The following GCN1 variants were observed in gnomAD, a reference collection of about 807,000 sequenced individuals.
The protein encoded by GCN1 is stalled ribosome sensor GCN1.
GCN1 carries 90 observed loss-of-function variants against 288.4 expected under a neutral mutation model. The ratio of observed to expected loss-of-function variants is 0.31; its 90% confidence interval spans 0.26 to 0.37. GCN1 has a LOEUF of 0.37. GCN1 is among the 10% of genes least tolerant of loss of function. GCN1 has a pLI of 1.00. For missense variants in GCN1, 2,586 were observed against 3,419.9 expected, an observed-to-expected ratio of 0.76 and a Z score of 6.08; for synonymous variants, 1,386 against 1,420.2, an observed-to-expected ratio of 0.98 and a Z score of 0.54.
At position 120,184,121 on chromosome 12, in the gene GCN1, C is replaced by T; in HGVS notation, c.308G>A (p.Gly103Asp). The stretch of plus-strand genomic sequence containing the variant: ...AACTTTTACCTCTTACCTGGGAACA[C>T]CTGCTTTGGAGCCTATACCAGAAGA... Reference protein sequence around the residue: ...LQSSGIGSKAGVPSKSSGSAA... With the variant: ...LQSSGIGSKADVPSKSSGSAA... Residue 103 changes from glycine (G) to aspartate (D), a missense_variant, in exon 4 of 58, where the codon GGT (glycine) becomes GAT (aspartate). By Grantham distance (94) the Gly-to-Asp change is moderately conservative. Coordinates refer to ENST00000300648, the MANE Select transcript of GCN1 (RefSeq NM_006836.2). The T allele has an allele frequency of 1.9e-6, 3 of 1,612,514 alleles. No individual in the cohort carries two copies. Among genetic ancestry groups the T allele is most frequent in the Non-Finnish European group, 2.5e-6 (3 of 1,178,952 alleles).
intron 16 of GCN1, among the ~76,000 whole-genome samples, chr12:120,165,002 T>TACAC (rs55710290): frequency 0.047 from 6,384 of 136,758 alleles, 174 homozygotes; most frequent in Middle Eastern, 0.069. Flanking sequence ...TACACATATA[T>TACAC]ACACACACAC....
Position 120,144,131 on chromosome 12 carries a change from C to T in GCN1, c.5495+175G>A, listed in dbSNP as rs1007659215. ...AGCTGGGATTACAGGTGTGCACCAC[C>T]ATTCCCAGCTAATTTTTTATTTTTT... On this transcript the variant is annotated intron_variant, in intron 42 of 57. Transcript: ENST00000300648. The surrounding 1 kb of genome is among the most constrained non-coding windows in gnomAD (Gnocchi z 4.7). Among the ~76,000 whole-genome samples the T allele has an allele frequency of 2.6e-5, 4 of 152,192 alleles. No homozygotes were observed. Among genetic ancestry groups the T allele is most frequent in the Non-Finnish European group, 2.9e-5 (2 of 68,036 alleles).
chr12:120,175,918 C>A, intron 10 of GCN1, 44 bp from the exon 11 acceptor site: 1 of 1,580,762 alleles, frequency 6.3e-7, no homozygotes, highest in Non-Finnish European at 8.6e-7. Flanking sequence ...AACAACTGAG[C>A]ATCCAGACTT....
Position 120,183,493 on chromosome 12 carries a change from C to A in GCN1, c.426+76G>T, listed in dbSNP as rs1878729342. On this transcript the variant is annotated intron_variant, in intron 5 of 57. Coordinates refer to ENST00000300648, the MANE Select transcript of GCN1 (RefSeq NM_006836.2). ...CAGCACCCAGAAAAGCACTTGGCAC[C>A]AAGAAGGTGCTGAAACATGCTCTAA... 5 of 932,548 alleles carry A rather than the reference C, an allele frequency of 5.4e-6. No homozygotes were observed. In the Admixed American group the frequency reaches 8.5e-5, roughly 16 times the overall value. 57.8% of individuals were successfully genotyped at this position (932,548 alleles called of 1,614,324 possible). A position where few individuals can be genotyped will look rare whatever the true frequency, so the allele number is the denominator to read the frequency against.
intron 45 of GCN1, 101 bp downstream of exon 45, chr12:120,140,758 A>G: frequency 8.6e-7 from 1 of 1,165,546 alleles, no homozygotes; most frequent in Non-Finnish European, 1.2e-6. Flanking sequence ...TGAGGGCAGC[A>G]CAAACCCCCT....
rs1013312117 is a variant in GCN1, at chr12:120,137,125, G to A, written c.6777+81C>T. On this transcript the variant is annotated intron_variant, in intron 50 of 57. Transcript: ENST00000300648. The surrounding 1 kb of genome is among the most constrained non-coding windows in gnomAD (Gnocchi z 5.2). ...GGCTACTGCTCCAGCAGCCCCTACCGCAGACCTGGGACAGGGGTAAGGGCC... is the reference window on the plus strand; with the variant it reads ...GGCTACTGCTCCAGCAGCCCCTACCACAGACCTGGGACAGGGGTAAGGGCC... 1.8e-5 allele frequency: 18 copies of A among 983,484 alleles called. No individual in the cohort carries two copies. The highest frequency in any genetic ancestry group is 2.4e-5 in the Non-Finnish European group (15 of 613,850). The allele number at this position is 983,484 out of a possible 1,614,324, so 60.9% of individuals were successfully genotyped here. A position where few individuals can be genotyped will look rare whatever the true frequency, so the allele number is the denominator to read the frequency against.
chr12:120,167,614 T>C (rs190472967), intron 16 of GCN1, among the ~76,000 whole-genome samples: 2 of 152,278 alleles, frequency 1.3e-5, no homozygotes, highest in Admixed American at 1.3e-4. Flanking sequence ...GTAGACCCTC[T>C]TGTATCTATT....
rs902328856 is a variant in GCN1, at chr12:120,158,445, C to T, written c.2905+15G>A. ...TCACACCGCCTGGTGCCCCTGATCC[C>T]GTCCCAGCCCTTACCTGGCTCCCCC... On this transcript the variant is annotated intron_variant, in intron 25 of 57. Transcript: ENST00000300648. The surrounding 1 kb of genome is among the most constrained non-coding windows in gnomAD (Gnocchi z 4.3). 17 of 1,538,674 alleles carry T rather than the reference C, an allele frequency of 1.1e-5. No homozygotes were observed. The highest frequency in any genetic ancestry group is 8.0e-5 in the Admixed American group (4 of 49,776).
In GCN1 at chr12:120,157,867, T is replaced by TGGGGTGTTG; in HGVS notation, c.3060_3068dup (p.Asn1021_Pro1023dup). The TGGGGTGTTG allele has an allele frequency of 6.2e-7, 1 of 1,613,340 alleles. No homozygotes were observed. The highest frequency in any genetic ancestry group is 1.1e-5 in the South Asian group (1 of 91,068). ...TGCCAACCTCGTCCACCCGCCCGGGTGGGGTGTTGGGGGAGGCCCTCAGCT... is the reference window on the plus strand; with the variant it reads ...TGCCAACCTCGTCCACCCGCCCGGGTGGGGTGTTGGGGGTGTTGGGGGAGGCCCTCAGCT... On this transcript the variant is annotated inframe_insertion, in exon 26 of 58. Coordinates refer to ENST00000300648, the MANE Select transcript of GCN1 (RefSeq NM_006836.2).
At chr12:120,154,269 T>C (rs961640800) in intron 31 of GCN1, among the ~76,000 whole-genome samples, 1 of 152,230 alleles carries the variant, frequency 6.6e-6, no homozygotes, top group African/African-American at 2.4e-5. Flanking sequence ...GAACACATTC[T>C]CCAAGGGCAA....
At chr12:120,131,879 G>T in intron 54 of GCN1, 47 bp downstream of exon 54, 2 of 1,216,766 alleles carry the variant, frequency 1.6e-6, no homozygotes, top group South Asian at 1.3e-5. Context: ...TCTTCGCTAG[G>T]GCTGAGAGGC....
At chr12:120,192,906 C>T (rs1879051538) in intron 1 of GCN1, among the ~76,000 whole-genome samples, 1 of 149,598 alleles carries the variant, frequency 6.7e-6, no homozygotes, top group Non-Finnish European at 1.5e-5. Flanking sequence ...CATGGTGGCG[C>T]ATGCCTGTAA....
chr12:120,184,778 C>G (rs1346299262), intron 3 of GCN1, 46 bp downstream of exon 3: 2 of 1,361,642 alleles, frequency 1.5e-6, no homozygotes, highest in Non-Finnish European at 2.1e-6. Context: ...TAAATCCCCT[C>G]TCTGTACAAA....
At chr12:120,181,868 T>C (rs1878676477) in intron 5 of GCN1, among the ~76,000 whole-genome samples, 1 of 138,168 alleles carries the variant, frequency 7.2e-6, no homozygotes. Flanking sequence ...AAAAGTAGGC[T>C]GGGCACAATG....
intron 2 of GCN1, among the ~76,000 whole-genome samples, chr12:120,189,929 G>A (rs965639128): frequency 7.9e-5 from 12 of 152,214 alleles, no homozygotes; most frequent in African/African-American, 2.2e-4. Flanking sequence ...GTAGTGAGCC[G>A]AGAGCGTGCC....
At position 120,163,277 on chromosome 12, in the gene GCN1, A is replaced by C. The variant is rs775041222; in HGVS notation, c.1849-18T>G. ...GGCAGCACCTGTGTGGAGACACATG[A>C]GATAATACTGCTAAGAGCCCTGTGC... On this transcript the variant is annotated intron_variant, in intron 18 of 57. Coordinates refer to ENST00000300648, the MANE Select transcript of GCN1 (RefSeq NM_006836.2). 45 of 1,599,016 alleles carry C rather than the reference A, an allele frequency of 2.8e-5. No individual in the cohort carries two copies. The highest frequency in any genetic ancestry group is 4.5e-5 in the East Asian group (2 of 44,772).
intron 16 of GCN1, among the ~76,000 whole-genome samples, chr12:120,165,171 C>T (rs1282154459): frequency 2.6e-5 from 4 of 151,034 alleles, no homozygotes; most frequent in Non-Finnish European, 1.5e-5. Flanking sequence ...CTCGGCCTCT[C>T]GAGTAGCTGG....
chr12:120,143,117 T>C lies in GCN1; in HGVS notation c.5496-176A>G, dbSNP rs114939105. Among the ~76,000 whole-genome samples, 995 of 152,336 alleles carry C rather than the reference T, an allele frequency of 6.5e-3. 10 individuals carry two copies. Among genetic ancestry groups the C allele is most frequent in the African/African-American group, 0.023 (938 of 41,572 alleles). On this transcript the variant is annotated intron_variant, in intron 42 of 57. Coordinates refer to ENST00000300648, the MANE Select transcript of GCN1 (RefSeq NM_006836.2). ...CACTCGCCCACATATTTTCCAAGTT[T>C]TCTACTAATGAACATACATTAATGT... is the stretch of plus-strand genomic sequence containing the variant.
In GCN1 at chr12:120,154,948, C is replaced by T. The variant is rs374845461; in HGVS notation, c.3701+22G>A. 3.4e-5 allele frequency: 55 copies of T among 1,598,052 alleles called. No individual in the cohort carries two copies. In the African/African-American group the frequency reaches 5.9e-4, roughly 17 times the overall value. ...ACATCTCACAAAGCTTGGAGTAGAA[C>T]GAGGCTGAACAATTGTTATACCTGG... On this transcript the variant is annotated intron_variant, in intron 31 of 57. Coordinates refer to ENST00000300648, the MANE Select transcript of GCN1 (RefSeq NM_006836.2).
Sources: gnomAD v4.1 joint callset for allele counts (sites outside exome capture counted in the v4.1 genomes callset) on GRCh38, gnomAD v4.1.1 for gene constraint, Gnocchi (gnomAD v3.1) non-coding constraint, MANE v1.5 for transcripts, NCBI Gene and HGNC (gene_info 2026-07-23, HGNC 2026-07-21) for gene names.